Variants in C1QTNF3 observed in about 807,000 individuals in gnomAD.
The protein encoded by C1QTNF3 is C1q and TNF related 3, also known as complement C1q tumor necrosis factor-related protein 3.
In C1QTNF3, 26 loss-of-function variants were observed where a neutral mutation model predicts 32.6. That is an observed-to-expected ratio of 0.80 (90% CI 0.58 to 1.11). C1QTNF3 has a LOEUF of 1.11. Among genes scored for constraint, C1QTNF3 ranks in the 50% least tolerant of loss-of-function variants. The pLI, the probability that C1QTNF3 is intolerant of heterozygous loss-of-function variation, is 0.00. For missense variants in C1QTNF3, 362 were observed against 398.2 expected (o/e 0.91, Z 0.77); for synonymous variants, 155 against 146.0 (o/e 1.06, Z -0.44).
intron 1 of C1QTNF3, among the ~76,000 whole-genome samples, chr5:34,036,280 A>G (rs1270525931): frequency 6.6e-6 from 1 of 152,222 alleles, no homozygotes; most frequent in African/African-American, 2.4e-5. Flanking sequence ...CTAGTTTTTC[A>G]AACAGCCATA....
the C1QTNF3 span, among the ~76,000 whole-genome samples, chr5:34,195,613 G>C: frequency 6.6e-6 from 1 of 151,818 alleles, no homozygotes; most frequent in African/African-American, 2.4e-5. Flanking sequence ...AGGCCGAGGC[G>C]GGTGGATCAC....
the C1QTNF3 span, among the ~76,000 whole-genome samples, chr5:34,103,991 A>G: frequency 6.7e-6 from 1 of 149,718 alleles, no homozygotes; most frequent in Non-Finnish European, 1.5e-5. Context: ...GTGAAAAATT[A>G]TGTTGCCATC....
chr5:34,153,858 A>ATT, the C1QTNF3 span, among the ~76,000 whole-genome samples: 2 of 149,040 alleles, frequency 1.3e-5, no homozygotes, highest in South Asian at 2.1e-4. Context: ...GAGTATAAAA[A>ATT]AAAAAAAAAA....
chr5:34,120,081 A>T, the C1QTNF3 span, among the ~76,000 whole-genome samples: 2 of 152,198 alleles, frequency 1.3e-5, no homozygotes, highest in African/African-American at 2.4e-5. Flanking sequence ...TTTTAATACT[A>T]CCTCAAGTGA....
chr5:34,168,790 A>G, the C1QTNF3 span: 1 of 152,190 alleles, frequency 6.6e-6, no homozygotes, highest in Non-Finnish European at 1.5e-5. Context: ...ATTTTATACT[A>G]AAGTAAAATA....
chr5:34,141,718 T>C, the C1QTNF3 span, among the ~76,000 whole-genome samples: 1 of 152,142 alleles, frequency 6.6e-6, no homozygotes, highest in Non-Finnish European at 1.5e-5. Flanking sequence ...TGGTGGTTAC[T>C]AGGGGCATGG....
the C1QTNF3 span, among the ~76,000 whole-genome samples, chr5:34,174,416 T>C: frequency 0.01 from 1,524 of 152,272 alleles, 24 homozygotes; most frequent in African/African-American, 0.034. Flanking sequence ...CCATCAGGGA[T>C]GTCCCCAGAA....
chr5:34,183,517 G>A, the C1QTNF3 span, among the ~76,000 whole-genome samples: 60 of 146,034 alleles, frequency 4.1e-4, no homozygotes, highest in Non-Finnish European at 6.6e-4. Context: ...TTTTAGTAGA[G>A]ACGGAGTTTT....
At chr5:34,043,260 T>C (rs1361173388), upstream of C1QTNF3, 5 of 910,510 alleles carry the variant, frequency 5.5e-6, no homozygotes, top group Non-Finnish European at 8.2e-6. Context: ...GTGTAATAAA[T>C]AAGGCTGTAG....
rs1561054063 is a variant in C1QTNF3 at position 34,023,953 on chromosome 5, A to G, written c.756T>C (p.Tyr252=). ...MMKHEDVEEV[Y]VYLMHNGNTV... ...TGTTGCCATTGTGCATAAGGTACAC[A>G]TACACTTCCTCAACATCCTCATGCT... Residue 252 remains tyrosine, a synonymous_variant, in exon 5 of 6, where the codon TAT becomes TAC. Coordinates refer to ENST00000382065, the MANE Select transcript of C1QTNF3 (RefSeq NM_181435.6). 1 of 1,614,162 alleles carries G rather than the reference A, an allele frequency of 6.2e-7. No homozygotes were observed. Among genetic ancestry groups the G allele is most frequent in the Middle Eastern group, 1.6e-4 (1 of 6,062 alleles).
chr5:34,212,065 A>C, the C1QTNF3 span, among the ~76,000 whole-genome samples: 1 of 152,146 alleles, frequency 6.6e-6, no homozygotes, highest in Admixed American at 6.6e-5. Context: ...GATATAGATC[A>C]ATGGAACAGA....
At chr5:34,088,505 G>A in the C1QTNF3 span, among the ~76,000 whole-genome samples, 1 of 151,916 alleles carries the variant, frequency 6.6e-6, no homozygotes, top group African/African-American at 2.4e-5. Context: ...ATATTTGTAA[G>A]TGAAATTGTG....
the C1QTNF3 span, among the ~76,000 whole-genome samples, chr5:34,089,953 T>C: frequency 6.6e-6 from 1 of 152,252 alleles, no homozygotes; most frequent in African/African-American, 2.4e-5. Context: ...GAGCTGCATA[T>C]GTCTGGGGTT....
chr5:34,037,216 G>C (rs1389211720), intron 1 of C1QTNF3, among the ~76,000 whole-genome samples: 1 of 152,066 alleles, frequency 6.6e-6, no homozygotes, highest in African/African-American at 2.4e-5. Flanking sequence ...AAATACTTGT[G>C]GAAATGTTCC....
chr5:34,213,843 C>G, the C1QTNF3 span, among the ~76,000 whole-genome samples: 22 of 43,192 alleles, frequency 5.1e-4, no homozygotes, highest in African/African-American at 1.8e-3. Flanking sequence ...TGGAGTTTCG[C>G]TCTTGCTGCC....
chr5:34,076,678 CTCA>C, the C1QTNF3 span, among the ~76,000 whole-genome samples: 1 of 151,626 alleles, frequency 6.6e-6, no homozygotes, highest in Non-Finnish European at 1.5e-5. Flanking sequence ...AAAACATGAA[CTCA>C]TCATTTCAGG....
At chr5:34,201,612 T>C in the C1QTNF3 span, among the ~76,000 whole-genome samples, 53,387 of 151,880 alleles carry the variant, frequency 0.35, 9,861 homozygotes, top group East Asian at 0.53. Flanking sequence ...GGTGCTAAAA[T>C]TGCGCAAAAA....
chr5:34,170,618 G>A, the C1QTNF3 span, among the ~76,000 whole-genome samples: 1 of 152,036 alleles, frequency 6.6e-6, no homozygotes, highest in Admixed American at 6.6e-5. Context: ...TCAAATAGCT[G>A]TTAATAAAGT....
the C1QTNF3 span, among the ~76,000 whole-genome samples, chr5:34,225,769 C>T: frequency 1.3e-5 from 2 of 151,390 alleles, no homozygotes; most frequent in African/African-American, 4.8e-5. Context: ...CACATTATAC[C>T]CTATCTTTAT....
Sources: gnomAD v4.1 joint callset for allele counts (sites outside exome capture counted in the v4.1 genomes callset) on GRCh38, gnomAD v4.1.1 for gene constraint, MANE v1.5 for transcripts, NCBI Gene and HGNC (gene_info 2026-07-23, HGNC 2026-07-21) for gene names.